Variants in NTM observed in about 807,000 individuals in gnomAD.
NTM encodes the protein neurotrimin.
A neutral mutation model predicts 42.1 loss-of-function variants in NTM; 13 were observed. That is an observed-to-expected ratio of 0.31 (90% confidence interval 0.20 to 0.49). NTM has a LOEUF of 0.49. Among genes scored for constraint, NTM ranks in the 20% least tolerant of loss-of-function variants. The probability of loss-of-function intolerance (pLI) is 0.99; values close to 1 mark genes in which losing one functional copy is unlikely to be tolerated. For missense variants in NTM, 373 were observed against 452.8 expected (o/e 0.82, Z 1.60); for synonymous variants, 187 against 179.2 (o/e 1.04, Z -0.35).
At chr11:131,479,383 C>G (rs114786944) in intron 1 of NTM, among the ~76,000 whole-genome samples, 1,589 of 152,152 alleles carry the variant, frequency 0.01, 42 homozygotes, top group African/African-American at 0.035. Context: ...ATGAGAGGTT[C>G]GAAGAACTGT....
intron 1 of NTM, among the ~76,000 whole-genome samples, chr11:131,813,452 G>A (rs1287136463): frequency 6.6e-6 from 1 of 152,154 alleles, no homozygotes; most frequent in East Asian, 1.9e-4. Flanking sequence ...CATCATAGAT[G>A]GAGCTCCTGT....
intron 2 of NTM, among the ~76,000 whole-genome samples, chr11:132,035,991 G>A (rs756118703): frequency 1.3e-5 from 2 of 152,092 alleles, no homozygotes; most frequent in African/African-American, 2.4e-5. Context: ...TTACGCGGGG[G>A]TGACAAGGAT....
intron 1 of NTM, among the ~76,000 whole-genome samples, chr11:131,560,489 G>C (rs2056091255): frequency 6.6e-6 from 1 of 152,124 alleles, no homozygotes; most frequent in Non-Finnish European, 1.5e-5. Context: ...ACAAGGAAGA[G>C]AACCTTTTGT....
intron 4 of NTM, among the ~76,000 whole-genome samples, chr11:132,258,682 CA>C (rs2092658026): frequency 6.6e-6 from 1 of 152,196 alleles, no homozygotes; most frequent in Admixed American, 6.5e-5. Flanking sequence ...CCTAGGGCCA[CA>C]GTGTCAAGGG....
At chr11:132,110,174 G>A (rs923606520) in intron 2 of NTM, among the ~76,000 whole-genome samples, 2 of 152,208 alleles carry the variant, frequency 1.3e-5, no homozygotes, top group Non-Finnish European at 1.5e-5. Flanking sequence ...GGAGGGGAGG[G>A]CCTATGCCCT....
Position 132,314,507 on chromosome 11 carries a change from C to T in NTM, c.783-45C>T, listed in dbSNP as rs562247995. 1.6e-5 allele frequency: 26 copies of T among 1,577,784 alleles called. No homozygotes were observed. In the Admixed American group the frequency reaches 4.2e-4, roughly 26 times the overall value. On this transcript the variant is annotated intron_variant, in intron 6 of 8. Transcript: ENST00000683400. ...GGCCTATCTTCTTCCTATGAGGACA[C>T]ATAACCATCTTGTTTTCTTCTTTTT...
chr11:132,257,010 G>C (rs1422738586), intron 4 of NTM, among the ~76,000 whole-genome samples: 3 of 152,132 alleles, frequency 2.0e-5, no homozygotes, highest in Non-Finnish European at 4.4e-5. Context: ...TCACTGTCAG[G>C]GCCCTGCCTC....
chr11:132,176,746 T>TTTTTTTC, intron 3 of NTM, among the ~76,000 whole-genome samples: 1 of 148,026 alleles, frequency 6.8e-6, no homozygotes. Flanking sequence ...TTTTTTTTTT[T>TTTTTTTC]AGACAGAGTC....
intron 4 of NTM, among the ~76,000 whole-genome samples, chr11:132,280,195 C>A (rs929637233): frequency 1.3e-5 from 2 of 152,162 alleles, no homozygotes; most frequent in African/African-American, 4.8e-5. Context: ...ACATATAGGG[C>A]AGGGATTGTG....
At chr11:132,301,450 A>T (rs936747215) in intron 4 of NTM, among the ~76,000 whole-genome samples, 1 of 152,172 alleles carries the variant, frequency 6.6e-6, no homozygotes, top group Non-Finnish European at 1.5e-5. Flanking sequence ...GGCCAAGCCC[A>T]CTTTCTTCAT....
chr11:132,207,095 G>A (rs2082091625), intron 3 of NTM, among the ~76,000 whole-genome samples: 1 of 152,134 alleles, frequency 6.6e-6, no homozygotes, highest in Non-Finnish European at 1.5e-5. Context: ...TTTTGGCCCA[G>A]CTTCTAAAGC....
At chr11:132,014,977 C>T (rs935528524) in intron 2 of NTM, among the ~76,000 whole-genome samples, 1 of 151,760 alleles carries the variant, frequency 6.6e-6, no homozygotes, top group Non-Finnish European at 1.5e-5. Context: ...AGACCACTGT[C>T]CTGGAGTGTT....
chr11:131,871,132 T>G (rs1256066844), intron 1 of NTM, among the ~76,000 whole-genome samples: 7 of 152,202 alleles, frequency 4.6e-5, no homozygotes, highest in Non-Finnish European at 1.0e-4. Context: ...AGAAAGAGTT[T>G]GTGTGATCAT....
chr11:131,372,793 A>ATT (rs10694098), intron 1 of NTM, among the ~76,000 whole-genome samples: 2,515 of 150,888 alleles, frequency 0.017, 69 homozygotes, highest in African/African-American at 0.057. Flanking sequence ...AGCATACGTG[A>ATT]TTTTTTTTTT....
intron 2 of NTM, among the ~76,000 whole-genome samples, chr11:132,054,582 T>C (rs571819462): frequency 2.4e-4 from 36 of 152,254 alleles, no homozygotes; most frequent in African/African-American, 8.7e-4. Flanking sequence ...TCTCAATGAG[T>C]TAAAGGAATG....
At chr11:131,552,399 T>TA (rs2054799715) in intron 1 of NTM, among the ~76,000 whole-genome samples, 1 of 150,588 alleles carries the variant, frequency 6.6e-6, no homozygotes, top group Non-Finnish European at 1.5e-5. Context: ...TGTGTGTACA[T>TA]AGGTACAAGG....
At chr11:131,383,102 C>T (rs182023189) in intron 1 of NTM, among the ~76,000 whole-genome samples, 138 of 152,242 alleles carry the variant, frequency 9.1e-4, no homozygotes, top group African/African-American at 3.2e-3. Flanking sequence ...GATTATTTTT[C>T]GATCCCGATG....
At chr11:131,741,882 T>C (rs939084300) in intron 1 of NTM, among the ~76,000 whole-genome samples, 2 of 152,170 alleles carry the variant, frequency 1.3e-5, no homozygotes, top group South Asian at 4.1e-4. Context: ...CACCATAGAA[T>C]ACTATGTAGC....
chr11:131,834,619 C>CATATAAATATATATATAT (rs1437043670), intron 1 of NTM, among the ~76,000 whole-genome samples: 1 of 57,698 alleles, frequency 1.7e-5, no homozygotes, highest in Non-Finnish European at 3.8e-5. Flanking sequence ...TATATATATA[C>CATATAAATATATATATAT]ATATACATAT....
Sources: gnomAD v4.1 joint callset for allele counts (sites outside exome capture counted in the v4.1 genomes callset) on GRCh38, gnomAD v4.1.1 for gene constraint, MANE v1.5 for transcripts, NCBI Gene and HGNC (gene_info 2026-07-23, HGNC 2026-07-21) for gene names.